Variants in ITPR2 observed in about 807,000 individuals in gnomAD.
ITPR2 encodes the protein inositol 1,4,5-trisphosphate receptor type 2, also known as inositol 1,4,5-trisphosphate-gated calcium channel ITPR2.
A neutral mutation model predicts 317.1 loss-of-function variants in ITPR2; 207 were observed. The ratio of observed to expected loss-of-function variants is 0.65; its 90% CI spans 0.58 to 0.73. The LOEUF (loss-of-function observed/expected upper bound fraction) is 0.73, where lower values mean the gene tolerates loss of function less well. ITPR2 is among the 30% of genes least tolerant of loss of function. The probability of loss-of-function intolerance (pLI) is 0.00; values close to 1 mark genes in which losing one functional copy is unlikely to be tolerated. For synonymous variants in ITPR2, 1,156 were observed against 1,149.1 expected (o/e 1.01, Z -0.12); for missense variants, 2,613 against 3,284.0 (o/e 0.80, Z 4.99).
intron 45 of ITPR2, among the ~76,000 whole-genome samples, chr12:26,469,336 G>A (rs1942246606): frequency 1.3e-5 from 2 of 152,170 alleles, no homozygotes; most frequent in African/African-American, 4.8e-5. Flanking sequence ...ATAGCTGGCT[G>A]GGGGTAGGTT....
chr12:26,449,477 G>T (rs1448865889), intron 45 of ITPR2, among the ~76,000 whole-genome samples: 2 of 152,152 alleles, frequency 1.3e-5, no homozygotes, highest in East Asian at 3.8e-4. Context: ...AGATGAGCAA[G>T]ACTTATTTTC....
chr12:26,540,567 G>A (rs912637259), intron 37 of ITPR2, among the ~76,000 whole-genome samples: 1 of 152,070 alleles, frequency 6.6e-6, no homozygotes, highest in Admixed American at 6.5e-5. Context: ...GTTACCTTCT[G>A]AGTACAGGCA....
rs758085110 is a variant in ITPR2, at chr12:26,486,375, G to A, written c.5555-15C>T. 11 of 1,537,680 alleles carry A rather than the reference G, an allele frequency of 7.2e-6. No individual in the cohort carries two copies. Among genetic ancestry groups the A allele is most frequent in the Non-Finnish European group, 8.9e-6 (10 of 1,124,100 alleles). ...TGAATCTCTTACTGAAAACAAAGCA[G>A]TACTTTTATATTTCTGAACCAATTT... On this transcript the variant is annotated splice_polypyrimidine_tract_variant and intron_variant, in intron 40 of 56. Coordinates refer to ENST00000381340, the MANE Select transcript of ITPR2 (RefSeq NM_002223.4).
At chr12:26,566,496 G>A (rs1264365101) in intron 34 of ITPR2, among the ~76,000 whole-genome samples, 1 of 141,970 alleles carries the variant, frequency 7.0e-6, no homozygotes, top group Non-Finnish European at 1.6e-5. Flanking sequence ...GGGAGAGGAG[G>A]GAGAGGAGGA....
intron 20 of ITPR2, among the ~76,000 whole-genome samples, chr12:26,654,600 A>C (rs1250060003): frequency 6.6e-6 from 1 of 152,076 alleles, no homozygotes; most frequent in Admixed American, 6.6e-5. Flanking sequence ...TCCCCCTACC[A>C]CACTGTATCA....
At chr12:26,514,731 C>T (rs1316789528) in intron 37 of ITPR2, among the ~76,000 whole-genome samples, 1 of 152,144 alleles carries the variant, frequency 6.6e-6, no homozygotes. Context: ...AAGTATAAAG[C>T]TTCACCTTTA....
intron 2 of ITPR2, among the ~76,000 whole-genome samples, chr12:26,735,365 T>C (rs1949103074): frequency 6.6e-6 from 1 of 151,634 alleles, no homozygotes; most frequent in Non-Finnish European, 1.5e-5. Flanking sequence ...GAAATTGAAT[T>C]GAATGGAACA....
At chr12:26,686,851 T>C (rs1466236239) in intron 10 of ITPR2, among the ~76,000 whole-genome samples, 1 of 152,204 alleles carries the variant, frequency 6.6e-6, no homozygotes, top group Non-Finnish European at 1.5e-5. Context: ...GGTGGCTTGA[T>C]CTGCCCACAT....
Position 26,528,680 on chromosome 12 carries a change from A to G in ITPR2, c.5073+21567T>C, listed in dbSNP as rs148250365. Reference sequence around the variant, plus strand: ...TTGCTGTCATCAAGAAGCTCAGAATATCATGCAAAGGGGGACATGTTTCTC... The same window carrying G: ...TTGCTGTCATCAAGAAGCTCAGAATGTCATGCAAAGGGGGACATGTTTCTC... On this transcript the variant is annotated intron_variant, in intron 37 of 56. Transcript: ENST00000381340. Among the ~76,000 whole-genome samples the G allele has an allele frequency of 6.6e-3, 1,009 of 152,352 alleles. 7 individuals carry two copies. Among genetic ancestry groups the G allele is most frequent in the Middle Eastern group, 0.027 (8 of 294 alleles).
intron 21 of ITPR2, among the ~76,000 whole-genome samples, chr12:26,639,003 C>T (rs1222876430): frequency 6.6e-6 from 1 of 152,082 alleles, no homozygotes; most frequent in Non-Finnish European, 1.5e-5. Flanking sequence ...TTCACCTAGG[C>T]TACATTATAA....
intron 45 of ITPR2, 72 bp downstream of exon 45, chr12:26,475,224 T>G: frequency 6.4e-7 from 1 of 1,552,078 alleles, no homozygotes; most frequent in Non-Finnish European, 8.9e-7. Flanking sequence ...AACTTGAAAA[T>G]ATGACAAGCC....
intron 55 of ITPR2, among the ~76,000 whole-genome samples, chr12:26,358,563 CTG>C (rs1341778380): frequency 6.6e-6 from 1 of 152,130 alleles, no homozygotes; most frequent in East Asian, 1.9e-4. Context: ...ATCATCCCGG[CTG>C]TGTTTTGTGG....
At chr12:26,482,609 T>A (rs1942568465) in intron 42 of ITPR2, among the ~76,000 whole-genome samples, 1 of 152,228 alleles carries the variant, frequency 6.6e-6, no homozygotes, top group African/African-American at 2.4e-5. Flanking sequence ...GACTGAAATA[T>A]AACCCAGAAA....
rs568415842 is a variant in ITPR2 at position 26,670,254 on chromosome 12, G to A, written c.1410-4203C>T. Among the ~76,000 whole-genome samples the A allele has an allele frequency of 2.0e-5, 3 of 152,270 alleles. No homozygotes were observed. The South Asian group carries it at 6.2e-4, about 32-fold the overall frequency. ...ACGGGCAGACTGCCTCCTCAAGTGG[G>A]TCCCTGACCCCTGACCCCTGAGCAG... On this transcript the variant is annotated intron_variant, in intron 13 of 56. Coordinates refer to ENST00000381340, the MANE Select transcript of ITPR2 (RefSeq NM_002223.4).
intron 13 of ITPR2, among the ~76,000 whole-genome samples, chr12:26,667,700 C>A (rs369334280): frequency 6.6e-6 from 1 of 152,242 alleles, no homozygotes; most frequent in East Asian, 1.9e-4. Context: ...CAATGCAAGT[C>A]CAGTTTGAGC....
At chr12:26,430,237 G>C (rs544581877) in intron 48 of ITPR2, among the ~76,000 whole-genome samples, 1 of 152,282 alleles carries the variant, frequency 6.6e-6, no homozygotes, top group Admixed American at 6.5e-5. Context: ...TGCTAAAAAA[G>C]AACTGAAGTC....
chr12:26,793,006 C>T (rs1950370161), intron 1 of ITPR2, among the ~76,000 whole-genome samples: 1 of 152,178 alleles, frequency 6.6e-6, no homozygotes, highest in Non-Finnish European at 1.5e-5. Context: ...ACTAAACTTA[C>T]AGAAATGCAA....
At chr12:26,506,105 A>C (rs1467435632) in intron 37 of ITPR2, among the ~76,000 whole-genome samples, 1 of 151,926 alleles carries the variant, frequency 6.6e-6, no homozygotes, top group Non-Finnish European at 1.5e-5. Flanking sequence ...TTACTGGCTC[A>C]TGCCTGTAAT....
intron 9 of ITPR2, among the ~76,000 whole-genome samples, chr12:26,708,043 A>G (rs1486179094): frequency 6.6e-6 from 1 of 152,220 alleles, no homozygotes; most frequent in Non-Finnish European, 1.5e-5. Context: ...CAAAACTACA[A>G]TAAGATATCA....
Sources: gnomAD v4.1 joint callset for allele counts (sites outside exome capture counted in the v4.1 genomes callset) on GRCh38, gnomAD v4.1.1 for gene constraint, MANE v1.5 for transcripts, NCBI Gene and HGNC (gene_info 2026-07-23, HGNC 2026-07-21) for gene names.